Variants in ZNF433 observed in about 807,000 individuals in gnomAD.
ZNF433 encodes zinc finger protein 433.
A neutral mutation model predicts 10.6 loss-of-function variants in ZNF433; 12 were observed. That is an observed-to-expected ratio of 1.13 (90% confidence interval 0.72 to 1.83). ZNF433 has a LOEUF of 1.83. ZNF433 is among the 40% of genes most tolerant of loss of function. The pLI is 0.00. For missense variants in ZNF433, 737 were observed against 798.0 expected, an observed-to-expected ratio of 0.92 and a Z score of 0.92; for synonymous variants, 272 against 271.3, an observed-to-expected ratio of 1.00 and a Z score of -0.02.
At chr19:12,027,906 T>G (rs985124436) in intron 1 of ZNF433, 1 of 152,216 alleles carries the variant, frequency 6.6e-6, no homozygotes, top group Non-Finnish European at 1.5e-5. Context: ...GCAATTTCTG[T>G]TTTTTAAGGC....
At chr19:12,030,174 C>A (rs1053340458) in intron 1 of ZNF433, 30 of 447,856 alleles carry the variant, frequency 6.7e-5, no homozygotes, top group African/African-American at 5.5e-4. Flanking sequence ...TGAACATGGA[C>A]TTCATAACTT....
chr19:12,021,434 T>C (rs1974490153), intron 1 of ZNF433, among the ~76,000 whole-genome samples: 1 of 152,196 alleles, frequency 6.6e-6, no homozygotes, highest in South Asian at 2.1e-4. Flanking sequence ...TCAAGTTCAA[T>C]TTCCCTCACT....
At chr19:12,026,480 C>T (rs982982972) in intron 1 of ZNF433, 2 of 335,906 alleles carry the variant, frequency 6.0e-6, no homozygotes, top group Non-Finnish European at 1.2e-5. Flanking sequence ...CATGAGTATT[C>T]CTTCAACAAG....
intron 1 of ZNF433, among the ~76,000 whole-genome samples, chr19:12,020,077 G>C (rs899952217): frequency 7.2e-5 from 11 of 152,284 alleles, no homozygotes; most frequent in African/African-American, 2.6e-4. Context: ...TTCAGGACCA[G>C]CCTGGCCAAA....
At chr19:12,031,508 C>T (rs1457898511) in intron 1 of ZNF433, among the ~76,000 whole-genome samples, 3 of 151,818 alleles carry the variant, frequency 2.0e-5, no homozygotes, top group Non-Finnish European at 2.9e-5. Flanking sequence ...CAAAAATTAG[C>T]TGGGCGTGGT....
At chr19:12,017,208 GT>G (rs1974252289) in intron 3 of ZNF433, among the ~76,000 whole-genome samples, 1 of 150,380 alleles carries the variant, frequency 6.6e-6, no homozygotes, top group South Asian at 2.1e-4. Flanking sequence ...TTTTTGTTTT[GT>G]TTTGTTTTTT....
rs141682499 is a variant in ZNF433 at position 12,027,376 on chromosome 19, C to T, written c.3+8161G>A. On this transcript the variant is annotated intron_variant, in intron 1 of 3. Transcript: ENST00000550507. ...TTGGGGACAGGCTCCCAAATCTGGC[C>T]ATAAACAAAATCTCTGCAGCACTGT... is the stretch of plus-strand genomic sequence containing the variant. Among the ~76,000 whole-genome samples the T allele has an allele frequency of 6.6e-3, 998 of 152,296 alleles. 14 individuals carry two copies. Among genetic ancestry groups the T allele is most frequent in the African/African-American group, 0.023 (952 of 41,554 alleles).
chr19:12,032,960 G>A (rs760289865), intron 1 of ZNF433, among the ~76,000 whole-genome samples: 1 of 152,190 alleles, frequency 6.6e-6, no homozygotes, highest in East Asian at 1.9e-4. Flanking sequence ...ACACAGTGAT[G>A]TTTGACTCAA....
rs1437200098 is a variant in ZNF433 at position 12,016,002 on chromosome 19, T to A, written c.856A>T (p.Lys286Ter). 6.2e-7 allele frequency: 1 copy of A among 1,614,130 alleles called. No individual in the cohort carries two copies. The highest frequency in any genetic ancestry group is 1.7e-5 in the Admixed American group (1 of 60,032). ...EKPYECKQCGKAFSSSHSFQI... is the reference protein window; with the variant it reads ...EKPYECKQCG ...AAGGAATGGGAAGAGCTGAAGGCTT[T>A]CCCACACTGTTTACATTCATATGGC... Residue 286 changes from lysine (K) to a stop codon, truncating the protein, a stop_gained, in exon 4 of 4, where the codon AAA becomes TAA. Coordinates refer to ENST00000550507, the MANE Select transcript of ZNF433 (RefSeq NM_001308348.2). LOFTEE classifies it low-confidence loss of function (END_TRUNC).
intron 1 of ZNF433, among the ~76,000 whole-genome samples, chr19:12,020,852 C>T (rs565960797): frequency 1.3e-5 from 2 of 150,624 alleles, no homozygotes; most frequent in East Asian, 3.9e-4. Flanking sequence ...TGCTGTGAGC[C>T]GACATTGCGC....
intron 1 of ZNF433, chr19:12,023,553 C>T (rs998516260): frequency 2.6e-5 from 4 of 152,052 alleles, no homozygotes; most frequent in Non-Finnish European, 5.9e-5. Flanking sequence ...AATGTCCTAC[C>T]TGTGAAATAA....
intron 1 of ZNF433, chr19:12,025,927 T>G (rs1413102448): frequency 6.6e-6 from 1 of 152,636 alleles, no homozygotes; most frequent in Non-Finnish European, 1.5e-5. Context: ...AGAATGAATC[T>G]GTCCCTGAAA....
chr19:12,014,938 C>T lies in ZNF433; in HGVS notation c.1920G>A (p.Glu640=). Residue 640 remains glutamate (E), a synonymous_variant, in exon 4 of 4, where the codon GAG becomes GAA. Coordinates refer to ENST00000550507, the MANE Select transcript of ZNF433 (RefSeq NM_001308348.2). ...CACATTGGTTACATTTATAGGGTTT[C>T]TCTCCAGTGTGAGTCCTTCCATGCC... is the stretch of plus-strand genomic sequence containing the variant. ...LRRHGRTHTG[E]KPYKCNQCGK... 6.2e-7 allele frequency: 1 copy of T among 1,613,988 alleles called. No individual in the cohort carries two copies. The highest frequency in any genetic ancestry group is 8.5e-7 in the Non-Finnish European group (1 of 1,179,940).
chr19:12,022,889 A>T (rs2145438009), intron 1 of ZNF433, among the ~76,000 whole-genome samples: 1 of 152,316 alleles, frequency 6.6e-6, no homozygotes, highest in East Asian at 1.9e-4. Context: ...CTGGACAAAA[A>T]GTAGTTTCCC....
chr19:12,030,306 T>C (rs1974955366), intron 1 of ZNF433: 1 of 286,952 alleles, frequency 3.5e-6, no homozygotes. Flanking sequence ...CTGCAACCTC[T>C]GCCTCCCAGG....
chr19:12,032,464 G>A (rs1975081598), intron 1 of ZNF433, among the ~76,000 whole-genome samples: 1 of 150,934 alleles, frequency 6.6e-6, no homozygotes, highest in African/African-American at 2.5e-5. Flanking sequence ...ATTAAGAAAT[G>A]GAATATAAGA....
rs185157306 is a variant in ZNF433 at position 12,015,673 on chromosome 19, T to C, written c.1185A>G (p.Gln395=). 8.1e-6 allele frequency: 13 copies of C among 1,613,476 alleles called. No individual in the cohort carries two copies. In the Admixed American group the frequency reaches 1.0e-4, roughly 12 times the overall value. Residue 395 remains glutamine, a synonymous_variant, in exon 4 of 4, where the codon CAA becomes CAG. Transcript: ENST00000550507. ...HTGEKPYKCN[Q]CGKAFNSSSS... ...TGGAAGAATTAAAGGCTTTACCACA[T>C]TGGTTGCATTTATAGGGTTTCTCTC...
At chr19:12,017,652 T>G (rs1473896566) in intron 3 of ZNF433, among the ~76,000 whole-genome samples, 1 of 152,166 alleles carries the variant, frequency 6.6e-6, no homozygotes, top group Admixed American at 6.5e-5. Context: ...CCTCCTGGGC[T>G]CAAGTGATCC....
At position 12,015,709 on chromosome 19, in the gene ZNF433, T is replaced by A; in HGVS notation, c.1149A>T (p.Lys383Asn). The A allele has an allele frequency of 6.2e-7, 1 of 1,613,546 alleles. No homozygotes were observed. Residue 383 changes from lysine (K) to asparagine (N), a missense_variant, in exon 4 of 4, where the codon AAA (lysine) becomes AAT (asparagine). Physicochemically the swap from Lys to Asn is moderately conservative, Grantham distance 94. Transcript: ENST00000550507. ...YSPSSLQTHE[K>N]THTGEKPYKC... ...TATAGGGTTTCTCTCCAGTGTGAGT[T>A]TTTTCATGTGTTTGAAGTGAACTGG... is the stretch of plus-strand genomic sequence containing the variant.
Sources: gnomAD v4.1 joint callset for allele counts (sites outside exome capture counted in the v4.1 genomes callset) on GRCh38, gnomAD v4.1.1 for gene constraint, MANE v1.5 for transcripts, NCBI Gene and HGNC (gene_info 2026-07-23, HGNC 2026-07-21) for gene names.